Variants in TRMT11 observed in about 807,000 individuals in gnomAD.
TRMT11 encodes the protein tRNA (guanine(10)-N(2))-methyltransferase TRMT11.
A neutral mutation model predicts 62.8 loss-of-function variants in TRMT11; 53 were observed. The ratio of observed to expected loss-of-function variants is 0.84; its 90% confidence interval spans 0.68 to 1.06. The LOEUF (loss-of-function observed/expected upper bound fraction) is 1.06. Among genes scored for constraint, TRMT11 ranks in the 50% least tolerant of loss-of-function variants. The pLI is 0.00. For synonymous variants in TRMT11, 188 were observed against 190.3 expected (o/e 0.99, Z 0.10); for missense variants, 556 against 553.4 (o/e 1.00, Z -0.05).
chr6:126,268,425 G>T, the TRMT11 span, among the ~76,000 whole-genome samples: 1 of 152,132 alleles, frequency 6.6e-6, no homozygotes, highest in Non-Finnish European at 1.5e-5. Flanking sequence ...ATAACAATGT[G>T]GGAGCAAAGA....
chr6:126,085,631 T>C (rs964178151), intron 17 of TRMT11, among the ~76,000 whole-genome samples: 1 of 152,178 alleles, frequency 6.6e-6, no homozygotes, highest in Non-Finnish European at 1.5e-5. Flanking sequence ...ACAGTGGAAT[T>C]CAACAGTCAG....
At chr6:126,219,041 A>G in the TRMT11 span, among the ~76,000 whole-genome samples, 1 of 152,150 alleles carries the variant, frequency 6.6e-6, no homozygotes, top group Non-Finnish European at 1.5e-5. Flanking sequence ...CCCAAAGTGT[A>G]TAGATTCTCC....
rs537260501 is a variant in TRMT11 at position 126,171,178 on chromosome 6, G to A, written c.*1824-3647G>A. ...TTATTCTGGGGAGGCCATAACTGGG[G>A]AGATAGATAACTATCGAAGGAGGCT... is the stretch of plus-strand genomic sequence containing the variant. On this transcript the variant is annotated intron_variant and NMD_transcript_variant, in intron 21 of 22. Coordinates refer to the TRMT11 transcript ENST00000648977. Among the ~76,000 whole-genome samples, 5 of 152,196 alleles carry A rather than the reference G, an allele frequency of 3.3e-5. No individual in the cohort carries two copies. The East Asian group carries it at 9.7e-4, about 29-fold the overall frequency.
At chr6:126,247,326 TACAC>T in the TRMT11 span, among the ~76,000 whole-genome samples, 1 of 151,356 alleles carries the variant, frequency 6.6e-6, no homozygotes, top group Non-Finnish European at 1.5e-5. Context: ...AATAATCTTA[TACAC>T]ACACACATGC....
At chr6:126,081,394 C>T (rs573314884) in intron 17 of TRMT11, among the ~76,000 whole-genome samples, 1 of 152,224 alleles carries the variant, frequency 6.6e-6, no homozygotes, top group African/African-American at 2.4e-5. Context: ...AATTGATTAG[C>T]TTGACATTGC....
intron 3 of TRMT11, among the ~76,000 whole-genome samples, chr6:126,201,842 A>G (rs965165925): frequency 6.6e-6 from 1 of 152,124 alleles, no homozygotes; most frequent in African/African-American, 2.4e-5. Flanking sequence ...TTAAAATCCA[A>G]TTCAGAGTAC....
chr6:126,021,355 A>G, intron 12 of TRMT11, 75 bp downstream of exon 12: 14 of 1,531,020 alleles, frequency 9.1e-6, no homozygotes, highest in African/African-American at 1.4e-5. Flanking sequence ...TTTTCCTGTG[A>G]TAGAGTTTGG....
intron 11 of TRMT11, among the ~76,000 whole-genome samples, chr6:126,014,733 A>G (rs369987494): frequency 1.3e-5 from 2 of 152,168 alleles, no homozygotes; most frequent in African/African-American, 4.8e-5. Flanking sequence ...GAGAGAATAC[A>G]TTTGTACCCA....
chr6:126,179,945 T>G (rs951132793), intron 1 of TRMT11, among the ~76,000 whole-genome samples: 6 of 152,182 alleles, frequency 3.9e-5, no homozygotes, highest in Non-Finnish European at 5.9e-5. Flanking sequence ...AATTATAGAT[T>G]ATATCCAACT....
At chr6:125,986,951 C>G in intron 1 of TRMT11, 1 of 329,962 alleles carries the variant, frequency 3.0e-6, no homozygotes, top group Non-Finnish European at 5.5e-6. Context: ...AACAAATGCT[C>G]AGGCTGGTGT....
At position 126,039,211 on chromosome 6, in the gene TRMT11, T is replaced by G. The variant is rs964437981; in HGVS notation, c.*375T>G. 6.5e-6 allele frequency: 1 copy of G among 154,004 alleles called. No homozygotes were observed. Among genetic ancestry groups the G allele is most frequent in the African/African-American group, 2.4e-5 (1 of 41,514 alleles). 9.5% of individuals were successfully genotyped at this position (154,004 alleles called of 1,614,324 possible). ...GAATTTATTCATTTGGTAGATATGTTTATTTGGTTTTTGGTTGTCATCGAT... is the reference window on the plus strand; with the variant it reads ...GAATTTATTCATTTGGTAGATATGTGTATTTGGTTTTTGGTTGTCATCGAT... On this transcript the variant is annotated 3_prime_UTR_variant, in exon 13 of 13. Transcript: ENST00000334379.
chr6:126,195,351 C>T (rs1406168641), intron 1 of TRMT11, among the ~76,000 whole-genome samples: 1 of 152,154 alleles, frequency 6.6e-6, no homozygotes, highest in African/African-American at 2.4e-5. Flanking sequence ...CTTATGTTCA[C>T]ACATAAATTG....
chr6:126,027,439 G>T (rs557614232), intron 12 of TRMT11, among the ~76,000 whole-genome samples: 272 of 152,170 alleles, frequency 1.8e-3, no homozygotes, highest in African/African-American at 6.3e-3. Context: ...ATAGATACAT[G>T]ATTAAAAATA....
At chr6:126,001,731 A>G (rs898781403) in intron 7 of TRMT11, among the ~76,000 whole-genome samples, 35 of 152,210 alleles carry the variant, frequency 2.3e-4, no homozygotes, top group African/African-American at 7.5e-4. Context: ...GTAGCCATTG[A>G]TAATTCTTTC....
chr6:126,029,430 G>A (rs761507361), intron 12 of TRMT11, among the ~76,000 whole-genome samples: 5 of 151,922 alleles, frequency 3.3e-5, no homozygotes, highest in African/African-American at 7.3e-5. Flanking sequence ...TGACTGTTAC[G>A]GTAATCATAA....
intron 21 of TRMT11, among the ~76,000 whole-genome samples, chr6:126,128,702 A>C (rs1419552365): frequency 7.9e-5 from 12 of 152,066 alleles, no homozygotes; most frequent in Admixed American, 7.9e-4. Flanking sequence ...ATCATTTCAA[A>C]TCACAAATAA....
chr6:126,198,436 G>GTC (rs1449118217), intron 1 of TRMT11, among the ~76,000 whole-genome samples: 1 of 152,068 alleles, frequency 6.6e-6, no homozygotes, highest in African/African-American at 2.4e-5. Context: ...GATTTCTTCT[G>GTC]TCTCTCTATT....
At chr6:126,200,792 A>C (rs1275882468) in intron 3 of TRMT11, among the ~76,000 whole-genome samples, 1 of 152,136 alleles carries the variant, frequency 6.6e-6, no homozygotes, top group Non-Finnish European at 1.5e-5. Flanking sequence ...TGACCTTGTG[A>C]TCCGCCTGCC....
chr6:126,183,615 C>T (rs1277579913), intron 1 of TRMT11, among the ~76,000 whole-genome samples: 3 of 151,956 alleles, frequency 2.0e-5, no homozygotes, highest in African/African-American at 4.8e-5. Context: ...TATTGCTGTG[C>T]GTGTAAGCAA....
Sources: gnomAD v4.1 joint callset for allele counts (sites outside exome capture counted in the v4.1 genomes callset) on GRCh38, gnomAD v4.1.1 for gene constraint, MANE v1.5 for transcripts, NCBI Gene and HGNC (gene_info 2026-07-23, HGNC 2026-07-21) for gene names.